COL9A3: variants seen among roughly 807,000 people sequenced by gnomAD.
COL9A3 encodes collagen alpha-3(IX) chain.
COL9A3 carries 82 observed loss-of-function variants against 110.2 expected under a neutral mutation model. The observed-to-expected ratio is 0.74, with a 90% CI of 0.62 to 0.89. COL9A3 has a LOEUF of 0.89. Among genes scored for constraint, COL9A3 ranks in the 40% least tolerant of loss-of-function variants. The probability of loss-of-function intolerance (pLI) is 0.00; values close to 1 mark genes in which losing one functional copy is unlikely to be tolerated. For missense variants in COL9A3, 1,066 were observed against 981.3 expected (o/e 1.09, Z -1.15); for synonymous variants, 494 against 403.8 (o/e 1.22, Z -2.68).
At chr20:62,820,866 C>T (rs992411948) in intron 5 of COL9A3, among the ~76,000 whole-genome samples, 1 of 152,152 alleles carries the variant, frequency 6.6e-6, no homozygotes, top group Admixed American at 6.5e-5. Flanking sequence ...CAGCAGGCTC[C>T]GTGGGTGGGT....
intron 31 of COL9A3, 150 bp from the exon 32 acceptor site, chr20:62,840,392 G>A (rs2063667448): frequency 2.6e-5 from 17 of 663,372 alleles, no homozygotes; most frequent in African/African-American, 5.7e-5. Flanking sequence ...GCCTTTGTGT[G>A]CCGTTCCCTC....
chr20:62,830,396 G>T lies in COL9A3; in HGVS notation c.1198G>T (p.Gly400Cys). ...CCCACAAGGCCCTCCCGGAGCCCCT[G>T]GTGTCCGAGGCTTCCAGGTGGGTGA... The part of the protein sequence containing the change: ...LGPQGPPGAP[G>C]VRGFQGQKGS... Residue 400 changes from glycine to cysteine, a missense_variant, in exon 23 of 32, where the codon GGT becomes TGT. By Grantham distance (159) the Gly-to-Cys change is radical. Transcript: ENST00000649368. The T allele has an allele frequency of 6.4e-7, 1 of 1,571,304 alleles. No homozygotes were observed. The highest frequency in any genetic ancestry group is 1.7e-4 in the Middle Eastern group (1 of 6,012).
Position 62,840,631 on chromosome 20 carries a change from G to A in COL9A3, c.1954G>A (p.Ala652Thr), listed in dbSNP as rs1197786381. ...GPPGDPGLPG[A>T]IGAQGTPGIC... Reference sequence around the variant, plus strand: ...TCCCGGAGATCCTGGGCTTCCAGGTGCCATTGGGGCCCAGGGGACACCGGG... The same window carrying A: ...TCCCGGAGATCCTGGGCTTCCAGGTACCATTGGGGCCCAGGGGACACCGGG... The change falls in exon 32 of 32, where the codon GCC becomes ACC. Residue 652 changes from alanine to threonine, a missense_variant. By Grantham distance (58) the Ala-to-Thr change is moderately conservative. Transcript: ENST00000649368. The A allele has an allele frequency of 1.2e-6, 2 of 1,612,344 alleles. No homozygotes were observed. Among genetic ancestry groups the A allele is most frequent in the Admixed American group, 1.7e-5 (1 of 59,818 alleles).
intron 19 of COL9A3, 136 bp downstream of exon 19, chr20:62,829,112 C>A: frequency 1.0e-6 from 1 of 962,368 alleles, no homozygotes; most frequent in Non-Finnish European, 1.5e-6. Flanking sequence ...TCCATCAGGG[C>A]CTGGCACAAC....
In COL9A3 at chr20:62,822,305, T is replaced by G. The variant is rs370919079; in HGVS notation, c.477+141T>G. ...CTTGGCCACTCCCAGGAACAGTCAA[T>G]GGTGGGGGCAGTGGCTGTGGCTAGG... On this transcript the variant is annotated intron_variant, in intron 9 of 31. Transcript: ENST00000649368. The G allele has an allele frequency of 7.2e-5, 52 of 725,434 alleles. 2 individuals are homozygous for G. The highest frequency in any genetic ancestry group is 6.8e-4 in the East Asian group (26 of 38,256). The allele number at this position is 725,434 out of a possible 1,614,324, so 44.9% of individuals were successfully genotyped here.
Position 62,829,667 on chromosome 20 carries a change from G to A in COL9A3, c.1093G>A (p.Glu365Lys). Residue 365 changes from glutamate to lysine, a missense_variant, in exon 21 of 32, where the codon GAG becomes AAG. Glu to Lys is a moderately conservative substitution (Grantham distance 56). Transcript: ENST00000649368. ...GELGEAGPSG[E>K]PGVPGDAGMP... is the part of the protein sequence containing the mutation. ...GCTGGGTGAGGCCGGCCCCTCTGGA[G>A]AGCCAGGCGTCCCTGTGAGTATCTG... 4 of 1,609,496 alleles carry A rather than the reference G, an allele frequency of 2.5e-6. No homozygotes were observed. Among genetic ancestry groups the A allele is most frequent in the Non-Finnish European group, 3.4e-6 (4 of 1,178,706 alleles).
At chr20:62,826,615 AT>A in intron 14 of COL9A3, 151 bp from the exon 15 acceptor site, 1 of 801,292 alleles carries the variant, frequency 1.2e-6, no homozygotes. Context: ...GGAAGCAGGG[AT>A]TTGGAGACTA....
In COL9A3 at chr20:62,836,486, G is replaced by C. The variant is rs1343625660; in HGVS notation, c.1557G>C (p.Glu519Asp). ...ITGKPGVPGKEASEQRIRELC... is the reference protein window; with the variant it reads ...ITGKPGVPGKDASEQRIRELC... ...TGTGGGGTGAATTCCAGGGGAAGGA[G>C]GCCAGCGAGCAGCGCATCAGGGAGC... Residue 519 changes from glutamate (E) to aspartate (D), a missense_variant, in exon 29 of 32, where the codon GAG (glutamate) becomes GAC (aspartate). Transcript: ENST00000649368. 1.2e-6 allele frequency: 2 copies of C among 1,613,566 alleles called. No individual in the cohort carries two copies. Among genetic ancestry groups the C allele is most frequent in the Non-Finnish European group, 1.7e-6 (2 of 1,179,832 alleles).
intron 15 of COL9A3, among the ~76,000 whole-genome samples, 197 bp downstream of exon 15, chr20:62,827,017 C>T (rs75413148): frequency 0.011 from 1,650 of 152,266 alleles, 23 homozygotes; most frequent in African/African-American, 0.038. Flanking sequence ...ACATTCGCCT[C>T]CTTTCTGGTT....
In COL9A3 at chr20:62,840,919, T is replaced by G; in HGVS notation, c.*187T>G. On this transcript the variant is annotated 3_prime_UTR_variant, in exon 32 of 32. Transcript: ENST00000649368. ...TCGGGCTGTCGCCTGACAGCATACCTCAAAAGGCCCTAGCTAATAAACCTG... is the reference window on the plus strand; with the variant it reads ...TCGGGCTGTCGCCTGACAGCATACCGCAAAAGGCCCTAGCTAATAAACCTG... 1.6e-6 allele frequency: 1 copy of G among 628,092 alleles called. No individual in the cohort carries two copies. 38.9% of individuals were successfully genotyped at this position (628,092 alleles called of 1,614,324 possible). A position where few individuals can be genotyped will look rare whatever the true frequency, so the allele number is the denominator to read the frequency against.
In COL9A3 at chr20:62,822,147, G is replaced by A; in HGVS notation, c.460G>A (p.Gly154Arg). The change falls in exon 9 of 32, where the codon GGA (glycine) becomes AGA (arginine). Residue 154 changes from glycine to arginine, a missense_variant. Physicochemically the swap from Gly to Arg is moderately radical, Grantham distance 125. Coordinates refer to ENST00000649368, the MANE Select transcript of COL9A3 (RefSeq NM_001853.4). ...ACTCCCCGGCCTCCCTGGTCCCCCAGGACCTCCCGGACCCCCTGTAAGTAC... is the reference window on the plus strand; with the variant it reads ...ACTCCCCGGCCTCCCTGGTCCCCCAAGACCTCCCGGACCCCCTGTAAGTAC... ...SGLPGLPGPP[G>R]PPGPPGHPGV... 6.3e-7 allele frequency: 1 copy of A among 1,578,992 alleles called. No homozygotes were observed. Among genetic ancestry groups the A allele is most frequent in the Non-Finnish European group, 8.7e-7 (1 of 1,148,718 alleles).
chr20:62,838,524 C>A (rs960445613), intron 30 of COL9A3, among the ~76,000 whole-genome samples, 160 bp from the exon 31 acceptor site: 1 of 152,262 alleles, frequency 6.6e-6, no homozygotes, highest in South Asian at 2.1e-4. Flanking sequence ...TCTCGTCGGA[C>A]CCCGTCAAGC....
chr20:62,826,906 C>T, intron 15 of COL9A3, 86 bp downstream of exon 15: 1 of 1,456,282 alleles, frequency 6.9e-7, no homozygotes, highest in Non-Finnish European at 9.4e-7. Flanking sequence ...CCCAGCCCCA[C>T]TGGGGCCCCT....
chr20:62,837,768 T>C (rs566799926), intron 30 of COL9A3, among the ~76,000 whole-genome samples: 9 of 151,878 alleles, frequency 5.9e-5, no homozygotes, highest in Middle Eastern at 3.4e-3. Flanking sequence ...GATCGCACCA[T>C]TGCACTCCAG....
intron 3 of COL9A3, 93 bp from the exon 4 acceptor site, chr20:62,819,129 G>T (rs1991033398): frequency 3.2e-6 from 4 of 1,253,468 alleles, no homozygotes; most frequent in East Asian, 2.4e-5. Flanking sequence ...TGGTTGGGCT[G>T]GGGGGAAGTG....
At chr20:62,836,446 C>G in intron 28 of COL9A3, 32 bp from the exon 29 acceptor site, 5 of 1,613,680 alleles carry the variant, frequency 3.1e-6, no homozygotes, top group Non-Finnish European at 4.2e-6. Flanking sequence ...GCTGCCGCCC[C>G]CATGCTGACG....
intron 31 of COL9A3, among the ~76,000 whole-genome samples, chr20:62,840,312 C>G (rs534472029): frequency 6.6e-6 from 1 of 152,224 alleles, no homozygotes; most frequent in Non-Finnish European, 1.5e-5. Flanking sequence ...CAGGACGGCT[C>G]TGCACCCCTG....
intron 7 of COL9A3, 61 bp from the exon 8 acceptor site, chr20:62,821,696 G>A: frequency 6.4e-7 from 1 of 1,558,878 alleles, no homozygotes; most frequent in Non-Finnish European, 8.8e-7. Context: ...CACCAACCCT[G>A]GGTGGGGATC....
intron 3 of COL9A3, among the ~76,000 whole-genome samples, chr20:62,818,754 C>T (rs747720580): frequency 2.6e-5 from 4 of 152,208 alleles, no homozygotes; most frequent in Non-Finnish European, 4.4e-5. Flanking sequence ...ATGTTCAGGG[C>T]AGGGCCTGGC....
Sources: allele counts gnomAD v4.1 joint callset (sites outside exome capture counted in the v4.1 genomes callset), GRCh38; gene constraint gnomAD v4.1.1; transcripts MANE v1.5; gene names NCBI Gene and HGNC (gene_info 2026-07-23, HGNC 2026-07-21).